GALM: variants seen among roughly 807,000 people sequenced by gnomAD.
GALM encodes the protein aldose 1-epimerase.
In GALM, 43 loss-of-function variants were observed where a neutral mutation model predicts 37.4. That is an observed-to-expected ratio of 1.15 (90% CI 0.90 to 1.48). GALM has a LOEUF of 1.48. GALM is among the 40% of genes most tolerant of loss of function. The pLI is 0.00. For missense variants in GALM, 456 were observed against 419.1 expected, an observed-to-expected ratio of 1.09 and a Z score of -0.77; for synonymous variants, 199 against 170.6, an observed-to-expected ratio of 1.17 and a Z score of -1.30.
At chr2:38,708,111 T>TAAAATAAAATAAAATAAAA (rs1553383346) in intron 4 of GALM, among the ~76,000 whole-genome samples, 3,835 of 135,702 alleles carry the variant, frequency 0.028, 104 homozygotes, top group South Asian at 0.054. Flanking sequence ...TGTATCAAAA[T>TAAAATAAAATAAAATAAAA]TAAAATAAAA....
intron 4 of GALM, among the ~76,000 whole-genome samples, chr2:38,722,209 C>T (rs1666396406): frequency 6.6e-6 from 1 of 152,022 alleles, no homozygotes; most frequent in Non-Finnish European, 1.5e-5. Flanking sequence ...AGAAGTCCGT[C>T]ATGAGAATCA....
chr2:38,732,353 C>T (rs535297820), intron 6 of GALM, among the ~76,000 whole-genome samples: 55 of 152,234 alleles, frequency 3.6e-4, no homozygotes, highest in South Asian at 6.2e-4. Context: ...CCACTGTGCC[C>T]GGCTCAAAAG....
At chr2:38,680,070 A>G (rs1231933041) in intron 2 of GALM, 1 of 455,352 alleles carries the variant, frequency 2.2e-6, no homozygotes, top group South Asian at 1.6e-5. Context: ...ATTGGAGTGC[A>G]ATGGTGTGTG....
chr2:38,710,520 G>T (rs987126766), intron 4 of GALM, among the ~76,000 whole-genome samples: 1 of 152,170 alleles, frequency 6.6e-6, no homozygotes, highest in African/African-American at 2.4e-5. Context: ...TGGCTGGCAT[G>T]TCCCCCAAGT....
intron 1 of GALM, among the ~76,000 whole-genome samples, chr2:38,675,537 TTTTTTTTGTGTGTGTGTGTGTGTGTGTG>T (rs1665231783): frequency 5.6e-5 from 5 of 90,064 alleles, no homozygotes; most frequent in African/African-American, 1.0e-4. Context: ...TTTTTTTTTT[TTTTTTTTGTGTGTGTGTGTGTGTGTGTG>T]TGTGTGTGTG....
chr2:38,725,859 G>A (rs1340185774), intron 4 of GALM, among the ~76,000 whole-genome samples: 2 of 151,836 alleles, frequency 1.3e-5, no homozygotes, highest in Admixed American at 6.6e-5. Flanking sequence ...TTACAGGTAT[G>A]CGCCACCACG....
In GALM at chr2:38,733,468, GTGT is replaced by G; in HGVS notation, c.952-15_952-13del. On this transcript the variant is annotated splice_polypyrimidine_tract_variant and intron_variant, in intron 6 of 6. Coordinates refer to ENST00000272252, the MANE Select transcript of GALM (RefSeq NM_138801.3). ...CAGCCTGCGGTGTCAAGCATCACCT[GTGT>G]TGTTTCCCCTTCACAGCCCCGCTTC... 5.6e-6 allele frequency: 9 copies of G among 1,607,242 alleles called. No individual in the cohort carries two copies. Among genetic ancestry groups the G allele is most frequent in the Non-Finnish European group, 7.7e-6 (9 of 1,173,978 alleles).
chr2:38,706,220 G>T (rs530699375), intron 4 of GALM, among the ~76,000 whole-genome samples: 3 of 150,394 alleles, frequency 2.0e-5, no homozygotes, highest in Admixed American at 1.3e-4. Flanking sequence ...GGCCAGGCTG[G>T]TCTTGAACTC....
At chr2:38,723,482 C>A (rs1666424333) in intron 4 of GALM, among the ~76,000 whole-genome samples, 1 of 152,286 alleles carries the variant, frequency 6.6e-6, no homozygotes, top group Admixed American at 6.5e-5. Context: ...CAGTATGTAA[C>A]ATTTCTCTTT....
intron 1 of GALM, 21 bp downstream of exon 1, chr2:38,666,372 G>A (rs751888895): frequency 6.3e-7 from 1 of 1,585,650 alleles, no homozygotes; most frequent in African/African-American, 1.3e-5. Flanking sequence ...CTGTGCCCTG[G>A]GCTGCGAGCA....
At chr2:38,695,257 AC>A (rs1160766677) in intron 4 of GALM, among the ~76,000 whole-genome samples, 2 of 152,240 alleles carry the variant, frequency 1.3e-5, no homozygotes, top group African/African-American at 4.8e-5. Context: ...CCCCATCTCT[AC>A]CAAAAATACA....
chr2:38,734,036 T>C lies in GALM; in HGVS notation c.*471T>C, dbSNP rs528070215. ...ATGCTAGGAGATGGACCTGTCTCTATACAGCAGTAGATGATTGATAAGTGA... is the reference window on the plus strand; with the variant it reads ...ATGCTAGGAGATGGACCTGTCTCTACACAGCAGTAGATGATTGATAAGTGA... On this transcript the variant is annotated 3_prime_UTR_variant, in exon 7 of 7. Coordinates refer to ENST00000272252, the MANE Select transcript of GALM (RefSeq NM_138801.3). 2 of 210,496 alleles carry C rather than the reference T, an allele frequency of 9.5e-6. No individual in the cohort carries two copies. Among genetic ancestry groups the C allele is most frequent in the Admixed American group, 1.0e-4 (2 of 19,552 alleles). 13.0% of individuals were successfully genotyped at this position (210,496 alleles called of 1,614,324 possible). A position where few individuals can be genotyped will look rare whatever the true frequency, so the allele number is the denominator to read the frequency against.
Position 38,729,567 on chromosome 2 carries a change from C to A in GALM, c.646C>A (p.Pro216Thr), listed in dbSNP as rs1452752595. The A allele has an allele frequency of 6.2e-7, 1 of 1,612,984 alleles. No individual in the cohort carries two copies. Among genetic ancestry groups the A allele is most frequent in the Non-Finnish European group, 8.5e-7 (1 of 1,179,464 alleles). The stretch of plus-strand genomic sequence containing the variant: ...TCTCTTCCCATCAGGAGAAGTTGCC[C>A]CAGTGCAAGGCACTGCATTCGACCT... ...ETLIPTGEVA[P>T]VQGTAFDLRK... The change falls in exon 5 of 7, where the codon CCA (proline) becomes ACA (threonine). Residue 216 changes from proline to threonine, a missense_variant. Pro to Thr is a conservative substitution (Grantham distance 38, BLOSUM62 -1). Coordinates refer to ENST00000272252, the MANE Select transcript of GALM (RefSeq NM_138801.3).
chr2:38,701,430 G>A (rs1003013493), intron 4 of GALM, among the ~76,000 whole-genome samples: 9 of 152,006 alleles, frequency 5.9e-5, no homozygotes, highest in African/African-American at 1.9e-4. Flanking sequence ...TAGGTCTTTT[G>A]CCTTTGAAAG....
chr2:38,683,723 C>A lies in GALM; in HGVS notation c.552+2237C>A, dbSNP rs543768322. On this transcript the variant is annotated intron_variant, in intron 3 of 6. Transcript: ENST00000272252. The stretch of plus-strand genomic sequence containing the variant: ...CTGGGATTACAGGCGCCCACGACCA[C>A]GCCCAGCTAATTTTTGTATTTTTGG... 3.9e-5 allele frequency among the ~76,000 whole-genome samples: 6 copies of A among 152,188 alleles called. No homozygotes were observed. In the East Asian group the frequency reaches 5.8e-4, roughly 15 times the overall value.
At chr2:38,731,071 C>CA (rs1002367021) in intron 5 of GALM, among the ~76,000 whole-genome samples, 1 of 151,494 alleles carries the variant, frequency 6.6e-6, no homozygotes, top group African/African-American at 2.4e-5. Context: ...ACTAAAAGTA[C>CA]AAAAAATTAG....
Position 38,733,897 on chromosome 2 carries a change from G to A in GALM, c.*332G>A, listed in dbSNP as rs1666654799. 1 of 341,134 alleles carries A rather than the reference G, an allele frequency of 2.9e-6. No homozygotes were observed. The highest frequency in any genetic ancestry group is 2.9e-5 in the South Asian group (1 of 34,358). 21.1% of individuals were successfully genotyped at this position (341,134 alleles called of 1,614,324 possible). On this transcript the variant is annotated 3_prime_UTR_variant, in exon 7 of 7. Transcript: ENST00000272252. ...ACTGCCTCTTTCTTTTCAACTTTTT[G>A]CCCTTCCTTTCTTTAAAGCTATTCT...
At chr2:38,723,962 C>A (rs1046577086) in intron 4 of GALM, among the ~76,000 whole-genome samples, 2 of 151,874 alleles carry the variant, frequency 1.3e-5, no homozygotes, top group Admixed American at 6.5e-5. Flanking sequence ...CTATGTTGCC[C>A]AGGCTGGAGT....
At chr2:38,730,337 G>A (rs1341444871) in intron 5 of GALM, among the ~76,000 whole-genome samples, 4 of 152,194 alleles carry the variant, frequency 2.6e-5, no homozygotes, top group Non-Finnish European at 5.9e-5. Flanking sequence ...TGCGATCTAG[G>A]TTTACTGCAA....
Sources: allele counts gnomAD v4.1 joint callset (sites outside exome capture counted in the v4.1 genomes callset), GRCh38; gene constraint gnomAD v4.1.1; transcripts MANE v1.5; gene names NCBI Gene and HGNC (gene_info 2026-07-23, HGNC 2026-07-21).